CSGALNACT1: variants seen among roughly 807,000 people sequenced by gnomAD.
CSGALNACT1 encodes beta4GalNAcT-1.
CSGALNACT1 carries 52 observed loss-of-function variants against 51.0 expected under a neutral mutation model. That is an observed-to-expected ratio of 1.02 (90% CI 0.82 to 1.29). CSGALNACT1 has a LOEUF of 1.29. CSGALNACT1 is among the 50% of genes most tolerant of loss of function. The pLI is 0.00. For missense variants in CSGALNACT1, 935 were observed against 679.2 expected (o/e 1.38, Z -4.19); for synonymous variants, 341 against 254.4 (o/e 1.34, Z -3.24).
At chr8:19,656,473 G>A (rs939671811) in intron 1 of CSGALNACT1, among the ~76,000 whole-genome samples, 3 of 151,688 alleles carry the variant, frequency 2.0e-5, no homozygotes, top group African/African-American at 2.4e-5. Context: ...ACCCACCTTC[G>A]ATCTTGACCT....
chr8:19,671,802 A>T (rs2059813960), intron 1 of CSGALNACT1, among the ~76,000 whole-genome samples: 1 of 152,158 alleles, frequency 6.6e-6, no homozygotes, highest in Non-Finnish European at 1.5e-5. Flanking sequence ...GATTTACCAA[A>T]TTGAGATCCT....
At chr8:19,657,385 C>T (rs1463916225) in intron 1 of CSGALNACT1, among the ~76,000 whole-genome samples, 5 of 152,034 alleles carry the variant, frequency 3.3e-5, no homozygotes, top group Admixed American at 2.0e-4. Flanking sequence ...GGATCAGAGG[C>T]AAGATGTGAA....
intron 1 of CSGALNACT1, among the ~76,000 whole-genome samples, chr8:19,725,311 C>A (rs542808076): frequency 6.6e-6 from 1 of 152,236 alleles, no homozygotes; most frequent in Non-Finnish European, 1.5e-5. Flanking sequence ...CTGCCCAAGG[C>A]AAGGGGGCAC....
At chr8:19,493,310 A>G (rs2074777660) in intron 4 of CSGALNACT1, among the ~76,000 whole-genome samples, 1 of 152,208 alleles carries the variant, frequency 6.6e-6, no homozygotes, top group Non-Finnish European at 1.5e-5. Flanking sequence ...GGAGGGGGAC[A>G]GAGATTGTGT....
chr8:19,541,082 G>A (rs1305287852), intron 3 of CSGALNACT1, among the ~76,000 whole-genome samples: 1 of 148,452 alleles, frequency 6.7e-6, no homozygotes. Context: ...TTTTCTCTGG[G>A]TGATAATTTT....
intron 3 of CSGALNACT1, among the ~76,000 whole-genome samples, chr8:19,534,757 G>C (rs2154060767): frequency 6.6e-6 from 1 of 152,280 alleles, no homozygotes; most frequent in Non-Finnish European, 1.5e-5. Context: ...GTTTAAAGAG[G>C]CGTAAAAATG....
chr8:19,436,734 C>G (rs1013135110), intron 6 of CSGALNACT1, among the ~76,000 whole-genome samples: 1 of 152,014 alleles, frequency 6.6e-6, no homozygotes, highest in Non-Finnish European at 1.5e-5. Flanking sequence ...TAGGGAGACA[C>G]TGGCTCTACA....
intron 2 of CSGALNACT1, among the ~76,000 whole-genome samples, chr8:19,592,386 G>A (rs989286805): frequency 6.6e-5 from 10 of 152,168 alleles, no homozygotes; most frequent in Non-Finnish European, 1.5e-4. Context: ...AAATGGTTCA[G>A]ATAAAATAGT....
At chr8:19,666,415 C>CCTTA (rs2059174835) in intron 1 of CSGALNACT1, among the ~76,000 whole-genome samples, 1 of 152,126 alleles carries the variant, frequency 6.6e-6, no homozygotes, top group Admixed American at 6.5e-5. Context: ...ATTTTCTCAG[C>CCTTA]CAGGTGTGGT....
intron 3 of CSGALNACT1, among the ~76,000 whole-genome samples, chr8:19,588,962 A>G (rs1442925635): frequency 6.6e-6 from 1 of 152,162 alleles, no homozygotes; most frequent in Admixed American, 6.5e-5. Context: ...GGGGTGGGGA[A>G]GCATTCTGGT....
chr8:19,476,683 AT>A (rs1486053866), intron 4 of CSGALNACT1, among the ~76,000 whole-genome samples: 2 of 152,278 alleles, frequency 1.3e-5, no homozygotes, highest in Admixed American at 1.3e-4. Context: ...TTGCTGGAAT[AT>A]TTTGTTTTGG....
Position 19,642,876 on chromosome 8 carries a change from A to G in CSGALNACT1, c.-544+39597T>C, listed in dbSNP as rs191503305. The stretch of plus-strand genomic sequence containing the variant: ...TGCTGGGTCAGTCAAAAGATTATCT[A>G]TAGAAGAAAAATCAAGTCAGATTTT... On this transcript the variant is annotated intron_variant, in intron 1 of 9. Transcript: ENST00000332246. Among the ~76,000 whole-genome samples the G allele has an allele frequency of 2.5e-4, 38 of 152,248 alleles. No homozygotes were observed. The East Asian group carries it at 4.4e-3, about 18-fold the overall frequency.
chr8:19,626,562 A>G (rs2054482709), intron 1 of CSGALNACT1, among the ~76,000 whole-genome samples: 1 of 152,244 alleles, frequency 6.6e-6, no homozygotes, highest in Admixed American at 6.5e-5. Context: ...CACTGAAAGC[A>G]TGATCAGTAA....
At chr8:19,485,321 C>A (rs2072602791) in intron 4 of CSGALNACT1, among the ~76,000 whole-genome samples, 1 of 152,170 alleles carries the variant, frequency 6.6e-6, no homozygotes, top group Admixed American at 6.5e-5. Context: ...GTAAACCATG[C>A]TGCTCCTACC....
At position 19,480,757 on chromosome 8, in the gene CSGALNACT1, C is replaced by A. The variant is rs549710585; in HGVS notation, c.635-22115G>T. 2.0e-5 allele frequency among the ~76,000 whole-genome samples: 3 copies of A among 152,152 alleles called. No homozygotes were observed. The South Asian group carries it at 6.2e-4, about 31-fold the overall frequency. ...TGTATTTACAGACAAGGGCTCATTT[C>A]TCTTCTCATTTCCTATCCCTACCAG... On this transcript the variant is annotated intron_variant, in intron 4 of 9. Coordinates refer to ENST00000454498, the Ensembl canonical transcript of CSGALNACT1.
chr8:19,446,299 G>C (rs976948844), intron 5 of CSGALNACT1, among the ~76,000 whole-genome samples: 1 of 152,164 alleles, frequency 6.6e-6, no homozygotes, highest in African/African-American at 2.4e-5. Flanking sequence ...TGGGTCCCTT[G>C]GGCTGACTTA....
At chr8:19,524,123 A>G (rs1240401293) in intron 3 of CSGALNACT1, among the ~76,000 whole-genome samples, 1 of 152,140 alleles carries the variant, frequency 6.6e-6, no homozygotes, top group Non-Finnish European at 1.5e-5. Flanking sequence ...GCAAGACCCC[A>G]TCTCTAAAAC....
rs974166646 is a variant in CSGALNACT1, at chr8:19,690,790, G to A, written c.-297+67060C>T. Reference sequence around the variant, plus strand: ...TCCTGCAAGCCTAGGTCTTCCTAAGGACTACTTTGCTCAACGGGTAATTTG... The same window carrying A: ...TCCTGCAAGCCTAGGTCTTCCTAAGAACTACTTTGCTCAACGGGTAATTTG... On this transcript the variant is annotated intron_variant, in intron 1 of 1. Transcript: ENST00000517494. 4.6e-5 allele frequency among the ~76,000 whole-genome samples: 7 copies of A among 152,194 alleles called. No individual in the cohort carries two copies. The South Asian group carries it at 1.2e-3, about 27-fold the overall frequency.
At chr8:19,677,076 C>T (rs1471295473) in intron 1 of CSGALNACT1, among the ~76,000 whole-genome samples, 2 of 151,210 alleles carry the variant, frequency 1.3e-5, no homozygotes, top group Non-Finnish European at 1.5e-5. Context: ...AGAAAGAATG[C>T]ACCAGAAGCT....
Sources: allele counts gnomAD v4.1 joint callset (sites outside exome capture counted in the v4.1 genomes callset), GRCh38; gene constraint gnomAD v4.1.1; transcripts MANE v1.5; gene names NCBI Gene and HGNC (gene_info 2026-07-23, HGNC 2026-07-21).